GPR180: variants seen among roughly 807,000 people sequenced by gnomAD.
The protein encoded by GPR180 is G protein-coupled receptor 180, also known as integral membrane protein GPR180.
GPR180 carries 53 observed loss-of-function variants against 52.6 expected under a neutral mutation model. That is an observed-to-expected ratio of 1.01 (90% CI 0.81 to 1.27). The LOEUF is 1.27. GPR180 is among the 50% of genes most tolerant of loss of function. The pLI is 0.00. For missense variants in GPR180, 533 were observed against 527.0 expected (o/e 1.01, Z -0.11); for synonymous variants, 200 against 193.1 (o/e 1.04, Z -0.30).
Position 94,606,501 on chromosome 13 carries a change from C to T in GPR180, c.304+952C>T, listed in dbSNP as rs1295521813. On this transcript the variant is annotated intron_variant, in intron 2 of 8. Coordinates refer to ENST00000376958, the MANE Select transcript of GPR180 (RefSeq NM_180989.6). ...TAAATACGGAAATGAAGAACATGTG[C>T]CATTGTTTCCATTTTGCACCTCGCA... 2.0e-5 allele frequency among the ~76,000 whole-genome samples: 3 copies of T among 152,244 alleles called. No homozygotes were observed. In the East Asian group the frequency reaches 5.8e-4, roughly 29 times the overall value.
At chr13:94,625,379 A>T (rs1889915814) in intron 7 of GPR180, among the ~76,000 whole-genome samples, 1 of 152,138 alleles carries the variant, frequency 6.6e-6, no homozygotes, top group African/African-American at 2.4e-5. Context: ...CTATATCTTT[A>T]ATGTACCAAA....
chr13:94,607,302 G>T (rs1428468504), intron 2 of GPR180, among the ~76,000 whole-genome samples: 1 of 152,170 alleles, frequency 6.6e-6, no homozygotes, highest in East Asian at 1.9e-4. Flanking sequence ...CTAAATAGCA[G>T]ATTTGGTCAT....
chr13:94,621,414 T>C (rs1889850101), intron 6 of GPR180, among the ~76,000 whole-genome samples, 179 bp downstream of exon 6: 1 of 152,192 alleles, frequency 6.6e-6, no homozygotes, highest in Admixed American at 6.5e-5. Flanking sequence ...GAGTGTTAGA[T>C]CAAATAATCT....
At chr13:94,619,043 G>T in intron 3 of GPR180, 107 bp from the exon 4 acceptor site, 1 of 926,782 alleles carries the variant, frequency 1.1e-6, no homozygotes. Flanking sequence ...TATGACTCCA[G>T]TTAAAAAACA....
intron 1 of GPR180, among the ~76,000 whole-genome samples, chr13:94,604,229 G>A (rs1370300387): frequency 6.6e-6 from 1 of 152,150 alleles, no homozygotes; most frequent in Admixed American, 6.5e-5. Context: ...GCTATTTTGG[G>A]AGGGTGAGGC....
chr13:94,606,697 T>C (rs1341738936), intron 2 of GPR180, among the ~76,000 whole-genome samples: 1 of 152,242 alleles, frequency 6.6e-6, no homozygotes, highest in African/African-American at 2.4e-5. Flanking sequence ...ATCTGGCTTT[T>C]ATCTTATCAG....
chr13:94,611,670 C>T (rs7981788), intron 2 of GPR180, among the ~76,000 whole-genome samples: 46,528 of 151,668 alleles, frequency 0.31, 7,712 homozygotes, highest in Non-Finnish European at 0.38. Flanking sequence ...TGTAATTCTG[C>T]CCCCACTCAG....
At chr13:94,617,791 A>C (rs1889797217) in intron 3 of GPR180, among the ~76,000 whole-genome samples, 1 of 152,202 alleles carries the variant, frequency 6.6e-6, no homozygotes, top group Admixed American at 6.5e-5. Context: ...TTGGAATGAA[A>C]GTTCATCCAT....
Position 94,630,483 on chromosome 13 carries a change from C to G in GPR180, c.*3312C>G, listed in dbSNP as rs1490865399. 1 of 152,192 alleles carries G rather than the reference C, an allele frequency of 6.6e-6. No homozygotes were observed. Among genetic ancestry groups the G allele is most frequent in the Admixed American group, 6.5e-5 (1 of 15,282 alleles). 9.4% of individuals were successfully genotyped at this position (152,192 alleles called of 1,614,324 possible). A position where few individuals can be genotyped will look rare whatever the true frequency, so the allele number is the denominator to read the frequency against. On this transcript the variant is annotated 3_prime_UTR_variant, in exon 9 of 9. Transcript: ENST00000376958. ...CAAAAAGTTTAAAAATCATATAAAT[C>G]AGATCAAACTACTACTTCCCTGACA...
At chr13:94,614,728 G>A (rs1264384890) in intron 3 of GPR180, among the ~76,000 whole-genome samples, 1 of 152,028 alleles carries the variant, frequency 6.6e-6, no homozygotes, top group African/African-American at 2.4e-5. Flanking sequence ...GCTTACTCTT[G>A]TGTCTAAAAG....
In GPR180 at chr13:94,633,321, C is replaced by T. The variant is rs552152759; in HGVS notation, c.*6150C>T. On this transcript the variant is annotated 3_prime_UTR_variant, in exon 9 of 9. Transcript: ENST00000376958. The stretch of plus-strand genomic sequence containing the variant: ...GGTGTCAGAAGCCATTGCAAATATC[C>T]TGATGATCCGTGCAAAACAAAAACA... 6.6e-6 allele frequency: 1 copy of T among 152,070 alleles called. No individual in the cohort carries two copies. The highest frequency in any genetic ancestry group is 1.5e-5 in the Non-Finnish European group (1 of 68,010). The allele number at this position is 152,070 out of a possible 1,614,324, so 9.4% of individuals were successfully genotyped here. A position where few individuals can be genotyped will look rare whatever the true frequency, so the allele number is the denominator to read the frequency against.
At position 94,609,347 on chromosome 13, in the gene GPR180, T is replaced by C. The variant is rs190273998; in HGVS notation, c.305-2843T>C. Among the ~76,000 whole-genome samples the C allele has an allele frequency of 1.9e-3, 293 of 152,314 alleles. 1 individual carries two copies. In the Middle Eastern group the frequency reaches 0.02, roughly 11 times the overall value. The stretch of plus-strand genomic sequence containing the variant: ...AATATGCATGCTGTGTTGTAGTCTT[T>C]TGTCTCAGAAACAATGAACACACAG... On this transcript the variant is annotated intron_variant, in intron 2 of 8. Transcript: ENST00000376958.
rs199613668 is a variant in GPR180 at position 94,619,543 on chromosome 13, A to T, written c.736+26A>T. 3.0e-4 allele frequency: 484 copies of T among 1,595,352 alleles called. 1 individual carries two copies. The highest frequency in any genetic ancestry group is 3.8e-4 in the Non-Finnish European group (447 of 1,166,270). ...GTGAGTATCTTTCTGAGCATTTTTT[A>T]AAAAGCTTTTACACTCGCTATCTGC... On this transcript the variant is annotated intron_variant, in intron 5 of 8. Transcript: ENST00000376958.
At chr13:94,611,763 A>T (rs1889709240) in intron 2 of GPR180, among the ~76,000 whole-genome samples, 1 of 152,016 alleles carries the variant, frequency 6.6e-6, no homozygotes, top group South Asian at 2.1e-4. Flanking sequence ...TGGGAACATG[A>T]CCAATGTGCC....
intron 7 of GPR180, among the ~76,000 whole-genome samples, chr13:94,624,430 A>G (rs1889895204): frequency 1.3e-5 from 2 of 152,220 alleles, no homozygotes; most frequent in South Asian, 4.1e-4. Context: ...AACCAACTTC[A>G]GGCTTCTGAG....
intron 6 of GPR180, 31 bp downstream of exon 6, chr13:94,621,266 G>A: frequency 6.6e-7 from 1 of 1,505,152 alleles, no homozygotes; most frequent in Non-Finnish European, 8.9e-7. Flanking sequence ...TTTCTGCTTA[G>A]TAATCCTCAG....
intron 2 of GPR180, among the ~76,000 whole-genome samples, chr13:94,611,313 GT>G (rs1364300200): frequency 1.3e-5 from 2 of 152,094 alleles, no homozygotes; most frequent in African/African-American, 4.8e-5. Context: ...AAAATACATA[GT>G]TTTTAGATAT....
intron 6 of GPR180, among the ~76,000 whole-genome samples, chr13:94,622,039 G>A (rs916521566): frequency 4.6e-5 from 7 of 152,092 alleles, no homozygotes; most frequent in Non-Finnish European, 5.9e-5. Context: ...TGGGGTCAGT[G>A]CTTTATTCAT....
rs758423079 is a variant in GPR180, at chr13:94,602,069, C to T, written c.142C>T (p.His48Tyr). The change falls in exon 1 of 9, where the codon CAT (histidine) becomes TAT (tyrosine). Residue 48 changes from histidine (H) to tyrosine (Y), a missense_variant. Coordinates refer to ENST00000376958, the MANE Select transcript of GPR180 (RefSeq NM_180989.6). ...QGQRIGHFEFHGDHALLCVRI... is the reference protein window; with the variant it reads ...QGQRIGHFEFYGDHALLCVRI... ...CCAGCGCATCGGCCACTTCGAGTTC[C>T]ATGGTAGGTCTGGGGGCGGGGAGGG... 2.9e-6 allele frequency: 4 copies of T among 1,381,354 alleles called. No individual in the cohort carries two copies. In the African/African-American group the frequency reaches 4.4e-5, roughly 15 times the overall value. 85.6% of individuals were successfully genotyped at this position (1,381,354 alleles called of 1,614,324 possible).
Sources: allele counts gnomAD v4.1 joint callset (sites outside exome capture counted in the v4.1 genomes callset), GRCh38; gene constraint gnomAD v4.1.1; transcripts MANE v1.5; gene names NCBI Gene and HGNC (gene_info 2026-07-23, HGNC 2026-07-21).